PRTFDC1: variants seen among roughly 807,000 people sequenced by gnomAD.
The protein encoded by PRTFDC1 is phosphoribosyl transferase domain containing 1.
Under a neutral mutation model 34.6 loss-of-function variants are expected in PRTFDC1, and 38 were observed. The ratio of observed to expected loss-of-function variants is 1.10; its 90% CI spans 0.85 to 1.44. The LOEUF (loss-of-function observed/expected upper bound fraction) is 1.44. PRTFDC1 is among the 40% of genes most tolerant of loss of function. PRTFDC1 has a pLI of 0.00. For missense variants in PRTFDC1, 270 were observed against 283.0 expected (o/e 0.95, Z 0.33); for synonymous variants, 93 against 98.1 (o/e 0.95, Z 0.31).
chr10:24,923,109 T>C (rs1713425722), intron 3 of PRTFDC1, among the ~76,000 whole-genome samples: 1 of 152,218 alleles, frequency 6.6e-6, no homozygotes, highest in South Asian at 2.1e-4. Flanking sequence ...TCGTCCACCA[T>C]TGCTGAGGCT....
At chr10:24,850,022 A>T in intron 8 of PRTFDC1, 131 bp from the exon 9 acceptor site, 1 of 838,518 alleles carries the variant, frequency 1.2e-6, no homozygotes, top group Non-Finnish European at 1.9e-6. Flanking sequence ...GTGTGTATTT[A>T]TATGTGTGGG....
rs376853372 is a variant in PRTFDC1, at chr10:24,869,742, G to C, written c.405+2256C>G. Among the ~76,000 whole-genome samples the C allele has an allele frequency of 2.2e-4, 34 of 152,286 alleles. 1 individual carries two copies. The South Asian group carries it at 6.6e-3, about 30-fold the overall frequency. On this transcript the variant is annotated intron_variant, in intron 4 of 8. Coordinates refer to ENST00000320152, the MANE Select transcript of PRTFDC1 (RefSeq NM_020200.7). The stretch of plus-strand genomic sequence containing the variant: ...TCCCCGTTGAATCTCCTATGAGGAA[G>C]CCTTTCTGCCTCAACAAAGAGGGTG...
Position 24,898,429 on chromosome 10 carries a change from A to G in PRTFDC1, c.340-26366T>C, listed in dbSNP as rs1351347857. ...CAGTGAGCCATGATTGTGCCACTGTACTCCGGCCCGGGTGACAGAATGAGA... is the reference window on the plus strand; with the variant it reads ...CAGTGAGCCATGATTGTGCCACTGTGCTCCGGCCCGGGTGACAGAATGAGA... On this transcript the variant is annotated intron_variant, in intron 3 of 8. Coordinates refer to ENST00000320152, the MANE Select transcript of PRTFDC1 (RefSeq NM_020200.7). Among the ~76,000 whole-genome samples, 3 of 141,260 alleles carry G rather than the reference A, an allele frequency of 2.1e-5. No homozygotes were observed. The Admixed American group carries it at 2.3e-4, about 11-fold the overall frequency. 92.7% of individuals were successfully genotyped at this position (141,260 alleles called of 152,430 possible). A position where few individuals can be genotyped will look rare whatever the true frequency, so the allele number is the denominator to read the frequency against.
In PRTFDC1 at chr10:24,856,949, A is replaced by G. The variant is rs781003403; in HGVS notation, c.470T>C (p.Ile157Thr). The G allele has an allele frequency of 3.7e-6, 6 of 1,613,682 alleles. No individual in the cohort carries two copies. In the Admixed American group the frequency reaches 5.0e-5, roughly 13 times the overall value. Reference protein sequence around the residue: ...GRTMKALLSNIEKYKPNMIKV... With the variant: ...GRTMKALLSNTEKYKPNMIKV... ...AATCATGTTGGGCTTGTATTTCTCTATATTGCTGAGTAGTGCTTTCATGGT... is the reference window on the plus strand; with the variant it reads ...AATCATGTTGGGCTTGTATTTCTCTGTATTGCTGAGTAGTGCTTTCATGGT... The change falls in exon 6 of 9, where the codon ATA (isoleucine) becomes ACA (threonine). Residue 157 changes from isoleucine (I) to threonine (T), a missense_variant. Physicochemically the swap from Ile to Thr is moderately conservative, Grantham distance 89. Coordinates refer to ENST00000320152, the MANE Select transcript of PRTFDC1 (RefSeq NM_020200.7).
At chr10:24,934,425 C>T (rs1298857562) in intron 3 of PRTFDC1, among the ~76,000 whole-genome samples, 1 of 152,160 alleles carries the variant, frequency 6.6e-6, no homozygotes, top group South Asian at 2.1e-4. Context: ...GAAGAAGAAG[C>T]CAGACATGCC....
At chr10:24,896,150 G>A (rs997983238) in intron 3 of PRTFDC1, among the ~76,000 whole-genome samples, 2 of 152,144 alleles carry the variant, frequency 1.3e-5, no homozygotes, top group African/African-American at 2.4e-5. Context: ...GTCTGTGGTC[G>A]TTGGGAACAG....
chr10:24,942,608 C>A (rs1214160537), intron 1 of PRTFDC1, among the ~76,000 whole-genome samples, 172 bp from the exon 2 acceptor site: 1 of 152,170 alleles, frequency 6.6e-6, no homozygotes, highest in Non-Finnish European at 1.5e-5. Flanking sequence ...GTGAACAGAG[C>A]ACTCCATTCC....
At chr10:24,918,454 T>C (rs77566046) in intron 3 of PRTFDC1, among the ~76,000 whole-genome samples, 3,190 of 152,258 alleles carry the variant, frequency 0.021, 123 homozygotes, top group African/African-American at 0.073. Context: ...GGTTTCACAT[T>C]GTTGCTCAGG....
chr10:24,905,221 G>A (rs917354566), intron 3 of PRTFDC1, among the ~76,000 whole-genome samples: 2 of 152,070 alleles, frequency 1.3e-5, no homozygotes, highest in African/African-American at 4.8e-5. Flanking sequence ...TCAGAGGTGG[G>A]CGGATTGCTT....
chr10:24,893,911 C>T (rs748542316), intron 3 of PRTFDC1, among the ~76,000 whole-genome samples: 1 of 152,148 alleles, frequency 6.6e-6, no homozygotes, highest in African/African-American at 2.4e-5. Flanking sequence ...TAGCAGTGCT[C>T]AACATGGGCA....
intron 2 of PRTFDC1, among the ~76,000 whole-genome samples, chr10:24,939,417 A>G (rs1849112729): frequency 6.6e-6 from 1 of 152,150 alleles, no homozygotes; most frequent in Non-Finnish European, 1.5e-5. Flanking sequence ...TTATATCAAT[A>G]CTCATTTTAA....
chr10:24,857,568 C>G (rs1124120), intron 5 of PRTFDC1, among the ~76,000 whole-genome samples: 1 of 151,894 alleles, frequency 6.6e-6, no homozygotes, highest in Non-Finnish European at 1.5e-5. Context: ...GAATGGGCAG[C>G]GGCGATTTAT....
intron 1 of PRTFDC1, among the ~76,000 whole-genome samples, chr10:24,945,668 G>A (rs1009693947): frequency 3.3e-5 from 5 of 152,082 alleles, no homozygotes; most frequent in Non-Finnish European, 1.5e-5. Context: ...TGTTGCCCAG[G>A]CTGGTCTCAA....
At chr10:24,879,379 T>C (rs1848026760) in intron 3 of PRTFDC1, among the ~76,000 whole-genome samples, 1 of 152,016 alleles carries the variant, frequency 6.6e-6, no homozygotes, top group Non-Finnish European at 1.5e-5. Context: ...GTTTCGCTCT[T>C]GTTACCCAGG....
chr10:24,894,409 A>G (rs1469048302), intron 3 of PRTFDC1, among the ~76,000 whole-genome samples: 1 of 151,762 alleles, frequency 6.6e-6, no homozygotes, highest in African/African-American at 2.4e-5. Context: ...GTGCTGCATG[A>G]GCTGTGAGTC....
chr10:24,922,680 A>T (rs1848809743), intron 3 of PRTFDC1, among the ~76,000 whole-genome samples: 1 of 152,242 alleles, frequency 6.6e-6, no homozygotes, highest in Admixed American at 6.5e-5. Flanking sequence ...GGTCGCTTCC[A>T]AGATGGCTGA....
chr10:24,879,856 G>C (rs988645891), intron 3 of PRTFDC1, among the ~76,000 whole-genome samples: 1 of 152,050 alleles, frequency 6.6e-6, no homozygotes, highest in East Asian at 1.9e-4. Context: ...TTCAGTTTCC[G>C]GTTCATTTAA....
At position 24,858,277 on chromosome 10, in the gene PRTFDC1, G is replaced by A. The variant is rs190055799; in HGVS notation, c.423+115C>T. Reference sequence around the variant, plus strand: ...CCTATTCATTAAATTTGGAGAGCATGCACCCAGTGGGAGCTCAAGAAATCC... The same window carrying A: ...CCTATTCATTAAATTTGGAGAGCATACACCCAGTGGGAGCTCAAGAAATCC... On this transcript the variant is annotated intron_variant, in intron 5 of 8. Transcript: ENST00000320152. 7 of 1,074,634 alleles carry A rather than the reference G, an allele frequency of 6.5e-6. No homozygotes were observed. In the African/African-American group the frequency reaches 9.5e-5, roughly 15 times the overall value. The allele number at this position is 1,074,634 out of a possible 1,614,324, so 66.6% of individuals were successfully genotyped here.
intron 5 of PRTFDC1, 27 bp from the exon 6 acceptor site, chr10:24,857,022 A>G (rs200680691): frequency 6.4e-7 from 1 of 1,562,084 alleles, no homozygotes; most frequent in Admixed American, 1.7e-5. Flanking sequence ...GATAAATTCA[A>G]CAAAATGCAT....
Sources: gnomAD v4.1 joint callset for allele counts (sites outside exome capture counted in the v4.1 genomes callset) on GRCh38, gnomAD v4.1.1 for gene constraint, MANE v1.5 for transcripts, NCBI Gene and HGNC (gene_info 2026-07-23, HGNC 2026-07-21) for gene names.